The following DNAJC7 variants were observed in gnomAD, a reference collection of about 807,000 sequenced individuals.
DNAJC7 encodes DnaJ heat shock protein family (Hsp40) member C7, also known as dnaJ homolog subfamily C member 7.
DNAJC7 carries 18 observed loss-of-function variants against 67.4 expected under a neutral mutation model. That is an observed-to-expected ratio of 0.27 (90% CI 0.18 to 0.40). DNAJC7 has a LOEUF of 0.40. DNAJC7 is among the 10% of genes least tolerant of loss of function. The pLI, the probability that DNAJC7 is intolerant of heterozygous loss-of-function variation, is 1.00. For missense variants in DNAJC7, 419 were observed against 613.8 expected, an observed-to-expected ratio of 0.68 and a Z score of 3.35; for synonymous variants, 220 against 207.8, an observed-to-expected ratio of 1.06 and a Z score of -0.50.
chr17:41,995,333 G>A (rs2143228093), intron 4 of DNAJC7, among the ~76,000 whole-genome samples: 1 of 152,330 alleles, frequency 6.6e-6, no homozygotes, highest in African/African-American at 2.4e-5. Flanking sequence ...TTCAAGTCAG[G>A]AACACAAGTG....
chr17:41,983,756 A>C, intron 9 of DNAJC7, 120 bp from the exon 10 acceptor site: 1 of 741,578 alleles, frequency 1.3e-6, no homozygotes. Context: ...AAGATGCTTC[A>C]GAAACAGGAG....
intron 10 of DNAJC7, 34 bp downstream of exon 10, chr17:41,983,529 C>T (rs782296297): frequency 3.9e-6 from 6 of 1,545,994 alleles, no homozygotes; most frequent in Non-Finnish European, 5.3e-6. Flanking sequence ...GAAGTCCACA[C>T]AGTTCCCTAA....
At chr17:41,980,327 C>T (rs1194792820) in intron 12 of DNAJC7, among the ~76,000 whole-genome samples, 1 of 152,132 alleles carries the variant, frequency 6.6e-6, no homozygotes, top group Non-Finnish European at 1.5e-5. Flanking sequence ...GGATTACAGG[C>T]GTGAGCCACC....
intron 5 of DNAJC7, among the ~76,000 whole-genome samples, chr17:41,992,000 C>T (rs1364448540): frequency 6.6e-6 from 1 of 151,862 alleles, no homozygotes; most frequent in Non-Finnish European, 1.5e-5. Flanking sequence ...AGTTTTTGAA[C>T]CATGAATAGC....
chr17:41,979,750 C>G (rs1386118216), intron 12 of DNAJC7, among the ~76,000 whole-genome samples: 8 of 149,974 alleles, frequency 5.3e-5, no homozygotes, highest in Non-Finnish European at 8.8e-5. Context: ...ATCACGAAGT[C>G]AGGAGTTCCA....
At chr17:41,994,432 GAGGCAGGATA>G (rs1206726483) in intron 5 of DNAJC7, among the ~76,000 whole-genome samples, 1 of 149,534 alleles carries the variant, frequency 6.7e-6, no homozygotes, top group Non-Finnish European at 1.5e-5. Flanking sequence ...CAGGGTGGCT[GAGGCAGGATA>G]ATCGTTTGAA....
intron 7 of DNAJC7, 130 bp from the exon 8 acceptor site, chr17:41,989,026 C>G (rs1383311089): frequency 9.0e-7 from 1 of 1,113,650 alleles, no homozygotes; most frequent in Non-Finnish European, 1.3e-6. Context: ...CGCCAACCCC[C>G]AATCTGGGCT....
intron 2 of DNAJC7, among the ~76,000 whole-genome samples, chr17:41,999,619 C>G (rs2051753192): frequency 4.6e-5 from 7 of 152,128 alleles, no homozygotes; most frequent in Admixed American, 4.6e-4. Context: ...CTCCTGGGTT[C>G]AAGCGATTCT....
intron 10 of DNAJC7, 98 bp downstream of exon 10, chr17:41,983,464 AG>A: frequency 9.1e-7 from 1 of 1,092,970 alleles, no homozygotes; most frequent in Non-Finnish European, 1.3e-6. Context: ...AATAAGTTCT[AG>A]GTAGATCCCT....
intron 9 of DNAJC7, among the ~76,000 whole-genome samples, chr17:41,984,103 C>T (rs2051315654): frequency 6.6e-6 from 1 of 152,268 alleles, no homozygotes; most frequent in African/African-American, 2.4e-5. Flanking sequence ...ATTAGTGAGC[C>T]ACTAAAAGGA....
intron 1 of DNAJC7, chr17:42,017,061 T>A (rs782485221): frequency 1.7e-4 from 238 of 1,368,774 alleles, no homozygotes; most frequent in Non-Finnish European, 2.2e-4. Context: ...CCTCTGAAAT[T>A]GCCCTCGGAG....
rs782328990 is a variant in DNAJC7, at chr17:41,990,314, T to G, written c.549A>C (p.Ala183=). Residue 183 remains alanine, a synonymous_variant, in exon 6 of 14, where the codon GCA becomes GCC. Coordinates refer to ENST00000457167, the MANE Select transcript of DNAJC7 (RefSeq NM_003315.4). ...PACHRFKILK[A]ECLAMLGRYP... The stretch of plus-strand genomic sequence containing the variant: ...AACGACCCAGCATTGCTAAACATTC[T>G]GCCTTGAGGATTTTGAAGCGATGGC... 1 of 1,612,078 alleles carries G rather than the reference T, an allele frequency of 6.2e-7. No homozygotes were observed. The highest frequency in any genetic ancestry group is 1.7e-5 in the Admixed American group (1 of 59,766).
rs782262333 is a variant in DNAJC7 at position 42,017,392 on chromosome 17, C to T, written c.25G>A (p.Val9Met). 6.8e-6 allele frequency: 11 copies of T among 1,609,612 alleles called. No homozygotes were observed. The African/African-American group carries it at 1.2e-4, about 18-fold the overall frequency. Reference sequence around the variant, plus strand: ...TCCGGCTCGGTCGCCGCCATTACCACATCGCACTCCGCGGCAGCCGCCATC... The same window carrying T: ...TCCGGCTCGGTCGCCGCCATTACCATATCGCACTCCGCGGCAGCCGCCATC... MAAAAECD[V>M]VMAATEPELL... The change falls in exon 1 of 14, where the codon GTG becomes ATG. Residue 9 changes from valine to methionine, a missense_variant. Physicochemically the swap from Val to Met is conservative, Grantham distance 21. This residue lies in a region of DNAJC7 where 63 missense variants were observed against 54.0 expected (regional missense o/e 1.17). Coordinates refer to ENST00000457167, the MANE Select transcript of DNAJC7 (RefSeq NM_003315.4).
intron 5 of DNAJC7, among the ~76,000 whole-genome samples, chr17:41,993,288 T>C (rs1270302114): frequency 6.6e-6 from 1 of 151,948 alleles, no homozygotes; most frequent in Non-Finnish European, 1.5e-5. Flanking sequence ...TGAAACCCTG[T>C]CTCTACTAAA....
At chr17:42,009,896 G>A (rs2052071057) in intron 1 of DNAJC7, among the ~76,000 whole-genome samples, 1 of 152,212 alleles carries the variant, frequency 6.6e-6, no homozygotes, top group South Asian at 2.1e-4. Flanking sequence ...TGTAATCCCA[G>A]CACTTGGGAG....
At chr17:41,977,955 A>G (rs2051136452) in intron 12 of DNAJC7, among the ~76,000 whole-genome samples, 1 of 152,090 alleles carries the variant, frequency 6.6e-6, no homozygotes, top group Non-Finnish European at 1.5e-5. Flanking sequence ...CCCTGTCTTA[A>G]TAACAACAAC....
rs1272743081 is a variant in DNAJC7 at position 41,981,988 on chromosome 17, A to G, written c.1251T>C (p.Ser417=). ...TCTCCTCCTCCTTCTGAACCTCAGC[A>G]CTGGCTCCACTATGCCGATCTAAAG... is the stretch of plus-strand genomic sequence containing the variant. ...MHHPDRHSGA[S]AEVQKEEEKK... Residue 417 remains serine (S), a synonymous_variant, in exon 12 of 14, where the codon AGT becomes AGC. Transcript: ENST00000457167. 4.5e-5 allele frequency: 72 copies of G among 1,613,884 alleles called. No homozygotes were observed. Among genetic ancestry groups the G allele is most frequent in the Non-Finnish European group, 6.0e-5 (71 of 1,179,900 alleles).
At chr17:41,979,517 T>C (rs1295740567) in intron 12 of DNAJC7, among the ~76,000 whole-genome samples, 5 of 148,502 alleles carry the variant, frequency 3.4e-5, no homozygotes, top group Admixed American at 1.3e-4. Context: ...ACTAAAAATA[T>C]AAAAATTAGC....
At chr17:41,983,756 A>T (rs2051307707) in intron 9 of DNAJC7, 120 bp from the exon 10 acceptor site, 1 of 741,460 alleles carries the variant, frequency 1.3e-6, no homozygotes, top group African/African-American at 1.8e-5. Flanking sequence ...AAGATGCTTC[A>T]GAAACAGGAG....
Sources: allele counts gnomAD v4.1 joint callset (sites outside exome capture counted in the v4.1 genomes callset), GRCh38; gene constraint gnomAD v4.1.1; regional missense constraint gnomAD v4.1.1; transcripts MANE v1.5; gene names NCBI Gene and HGNC (gene_info 2026-07-23, HGNC 2026-07-21).